The following ZBTB44 variants were observed in gnomAD, a reference collection of about 807,000 sequenced individuals.
ZBTB44 encodes zinc finger and BTB domain containing 44, also known as zinc finger and BTB domain-containing protein 44.
ZBTB44 carries 15 observed loss-of-function variants against 54.0 expected under a neutral mutation model. The ratio of observed to expected loss-of-function variants is 0.28; its 90% CI spans 0.19 to 0.43. The LOEUF is 0.43. ZBTB44 is among the 20% of genes least tolerant of loss of function. The pLI, the probability that ZBTB44 is intolerant of heterozygous loss-of-function variation, is 1.00. For synonymous variants in ZBTB44, 230 were observed against 250.1 expected, an observed-to-expected ratio of 0.92 and a Z score of 0.76; for missense variants, 487 against 707.1, an observed-to-expected ratio of 0.69 and a Z score of 3.53.
intron 1 of ZBTB44, among the ~76,000 whole-genome samples, chr11:130,267,991 A>G (rs912601984): frequency 6.7e-6 from 1 of 149,418 alleles, no homozygotes; most frequent in Admixed American, 6.7e-5. Context: ...AACTGCTTGA[A>G]CCCGGGAGGT....
intron 1 of ZBTB44, among the ~76,000 whole-genome samples, chr11:130,266,955 A>G (rs951801051): frequency 6.6e-6 from 1 of 152,168 alleles, no homozygotes; most frequent in Non-Finnish European, 1.5e-5. Context: ...AGTCCAATTT[A>G]AAAAAATTTT....
In ZBTB44 at chr11:130,236,880, G is replaced by T; in HGVS notation, c.1481C>A (p.Ala494Asp). 3 of 1,539,324 alleles carry T rather than the reference G, an allele frequency of 1.9e-6. No homozygotes were observed. Among genetic ancestry groups the T allele is most frequent in the African/African-American group, 1.4e-5 (1 of 72,414 alleles). ...TAAATTTCCAGAGTTGGTGAACATG[G>T]CGCCACATGTTTTGCACTCGTAAAT... Reference protein sequence around the residue: ...PRIYECKTCGAMFTNSGNLIV... With the variant: ...PRIYECKTCGDMFTNSGNLIV... The change falls in exon 5 of 8, where the codon GCC (alanine) becomes GAC (aspartate). Residue 494 changes from alanine (A) to aspartate (D), a missense_variant. Ala to Asp is a moderately radical substitution (Grantham distance 126). Coordinates refer to ENST00000357899, the MANE Select transcript of ZBTB44 (RefSeq NM_001301098.2).
chr11:130,269,069 T>G (rs1294355695), intron 1 of ZBTB44, among the ~76,000 whole-genome samples: 2 of 150,198 alleles, frequency 1.3e-5, no homozygotes, highest in African/African-American at 4.9e-5. Context: ...AGCGGGTGGA[T>G]CACCTGAGGT....
intron 1 of ZBTB44, chr11:130,285,285 G>GTTCTCTTTTT (rs1940870166): frequency 8.1e-6 from 1 of 123,608 alleles, no homozygotes; most frequent in African/African-American, 3.0e-5. Context: ...AGTTATTCTT[G>GTTCTCTTTTT]TTTTCTTTTT....
chr11:130,290,425 T>G (rs532480036), intron 1 of ZBTB44, among the ~76,000 whole-genome samples: 4 of 152,208 alleles, frequency 2.6e-5, no homozygotes, highest in Non-Finnish European at 4.4e-5. Flanking sequence ...CACAGAAAAC[T>G]AATACAATTT....
At chr11:130,266,180 G>A (rs755175207) in intron 1 of ZBTB44, among the ~76,000 whole-genome samples, 21 of 152,194 alleles carry the variant, frequency 1.4e-4, no homozygotes, top group Non-Finnish European at 2.5e-4. Flanking sequence ...ACCCCTTAAC[G>A]ATTAGGCTCA....
intron 1 of ZBTB44, among the ~76,000 whole-genome samples, chr11:130,264,529 GAACT>G (rs1242645300): frequency 2.0e-5 from 3 of 152,144 alleles, no homozygotes; most frequent in Non-Finnish European, 4.4e-5. Context: ...GGAAGCTGGA[GAACT>G]AACTCCACAG....
At chr11:130,308,751 T>C (rs116671351) in intron 1 of ZBTB44, among the ~76,000 whole-genome samples, 14 of 152,274 alleles carry the variant, frequency 9.2e-5, no homozygotes, top group African/African-American at 3.4e-4. Context: ...TTGGGTAGTG[T>C]ATGTATTTTA....
chr11:130,301,974 C>A (rs1215585692), intron 1 of ZBTB44, among the ~76,000 whole-genome samples: 1 of 151,240 alleles, frequency 6.6e-6, no homozygotes, highest in Non-Finnish European at 1.5e-5. Context: ...ACCCGGTGAG[C>A]CCAGGAGATC....
At chr11:130,277,514 T>C (rs1018563127) in intron 1 of ZBTB44, among the ~76,000 whole-genome samples, 3 of 150,510 alleles carry the variant, frequency 2.0e-5, no homozygotes, top group African/African-American at 7.3e-5. Flanking sequence ...ACAGCTTTGC[T>C]CCTACCCACT....
chr11:130,254,790 G>A (rs2136385933), intron 2 of ZBTB44, among the ~76,000 whole-genome samples: 1 of 152,214 alleles, frequency 6.6e-6, no homozygotes, highest in Admixed American at 6.5e-5. Flanking sequence ...GTTTATTGTG[G>A]CACTATTCAC....
chr11:130,306,958 C>T (rs781715665), intron 1 of ZBTB44, among the ~76,000 whole-genome samples: 2 of 149,956 alleles, frequency 1.3e-5, no homozygotes, highest in Non-Finnish European at 2.9e-5. Flanking sequence ...GCTCAGGTGA[C>T]GGGTGCACCA....
At chr11:130,307,044 C>CA (rs112310112) in intron 1 of ZBTB44, among the ~76,000 whole-genome samples, 2,367 of 71,856 alleles carry the variant, frequency 0.033, 17 homozygotes, top group Non-Finnish European at 0.046. Context: ...TATCAACATT[C>CA]AAAAAAAAAA....
chr11:130,276,601 A>C (rs1340799638), intron 1 of ZBTB44, among the ~76,000 whole-genome samples: 1 of 151,680 alleles, frequency 6.6e-6, no homozygotes, highest in Non-Finnish European at 1.5e-5. Context: ...TGCCTGGCTA[A>C]TTTTTGTATT....
intron 1 of ZBTB44, among the ~76,000 whole-genome samples, chr11:130,276,414 T>G (rs960951863): frequency 1.5e-4 from 22 of 151,550 alleles, no homozygotes; most frequent in African/African-American, 5.1e-4. Context: ...GTTGACCTTT[T>G]AATTTTCTAT....
At chr11:130,289,908 T>C (rs1344602363) in intron 1 of ZBTB44, among the ~76,000 whole-genome samples, 1 of 152,214 alleles carries the variant, frequency 6.6e-6, no homozygotes, top group Admixed American at 6.5e-5. Context: ...GAATTCATTA[T>C]CATCTCTCAA....
At chr11:130,295,174 G>C (rs1941564535) in intron 1 of ZBTB44, among the ~76,000 whole-genome samples, 1 of 152,116 alleles carries the variant, frequency 6.6e-6, no homozygotes, top group Non-Finnish European at 1.5e-5. Flanking sequence ...CCTCAAATCT[G>C]ACCCTGTCAG....
intron 1 of ZBTB44, among the ~76,000 whole-genome samples, chr11:130,263,644 A>C (rs1224280502): frequency 6.6e-6 from 1 of 152,234 alleles, no homozygotes; most frequent in Non-Finnish European, 1.5e-5. Flanking sequence ...CCCAAACAAC[A>C]GATAATGTAC....
intron 2 of ZBTB44, among the ~76,000 whole-genome samples, chr11:130,257,236 CT>C (rs1350615821): frequency 2.7e-4 from 35 of 128,178 alleles, no homozygotes; most frequent in African/African-American, 1.1e-3. Context: ...CATCCCAGAT[CT>C]TAAAAAAAAA....
Sources: allele counts gnomAD v4.1 joint callset (sites outside exome capture counted in the v4.1 genomes callset), GRCh38; gene constraint gnomAD v4.1.1; transcripts MANE v1.5; gene names NCBI Gene and HGNC (gene_info 2026-07-23, HGNC 2026-07-21).